The following CACNA1D variants were observed in gnomAD, a reference collection of about 807,000 sequenced individuals.
The protein encoded by CACNA1D is calcium voltage-gated channel subunit alpha1 D, also known as voltage-dependent L-type calcium channel subunit alpha-1D.
A neutral mutation model predicts 257.1 loss-of-function variants in CACNA1D; 55 were observed. The ratio of observed to expected loss-of-function variants is 0.21; its 90% confidence interval spans 0.17 to 0.27. CACNA1D has a LOEUF of 0.27. Ranked by LOEUF, CACNA1D falls within the 10% of genes least tolerant of loss-of-function variation. CACNA1D has a pLI of 1.00. For missense variants in CACNA1D, 1,876 were observed against 2,784.0 expected (o/e 0.67, Z 7.34); for synonymous variants, 980 against 1,014.9 (o/e 0.97, Z 0.65).
intron 9 of CACNA1D, among the ~76,000 whole-genome samples, chr3:53,707,840 T>C (rs975140261): frequency 6.6e-6 from 1 of 152,198 alleles, no homozygotes; most frequent in Non-Finnish European, 1.5e-5. Context: ...AGGGAGCTCA[T>C]TCTAAAATTC....
intron 3 of CACNA1D, among the ~76,000 whole-genome samples, chr3:53,579,943 G>T (rs1439028310): frequency 6.6e-6 from 1 of 152,236 alleles, no homozygotes; most frequent in Non-Finnish European, 1.5e-5. Flanking sequence ...CCAGGGCAGG[G>T]CTTGCGAAAA....
At chr3:53,507,838 C>T (rs968009387) in intron 3 of CACNA1D, among the ~76,000 whole-genome samples, 5 of 152,240 alleles carry the variant, frequency 3.3e-5, no homozygotes, top group Admixed American at 3.3e-4. Flanking sequence ...TTAGCCAGAA[C>T]TCTTTGGGTT....
chr3:53,808,907 G>C (rs548456084), intron 46 of CACNA1D, 137 bp downstream of exon 46: 571 of 888,464 alleles, frequency 6.4e-4, no homozygotes, highest in Admixed American at 1.6e-3. Context: ...GTTAATCTTT[G>C]TAACAATCCT....
At chr3:53,728,232 G>C (rs1436131296) in intron 15 of CACNA1D, among the ~76,000 whole-genome samples, 1 of 152,136 alleles carries the variant, frequency 6.6e-6, no homozygotes, top group East Asian at 1.9e-4. Flanking sequence ...TCCGCCTCCT[G>C]GGTTCAAGTG....
chr3:53,623,177 C>T (rs961099001), intron 3 of CACNA1D, among the ~76,000 whole-genome samples: 7 of 152,200 alleles, frequency 4.6e-5, no homozygotes, highest in Non-Finnish European at 8.8e-5. Context: ...CGTGAGCCAC[C>T]GCGCCCGGCC....
chr3:53,647,694 G>T (rs900797295), intron 3 of CACNA1D, among the ~76,000 whole-genome samples: 1 of 152,216 alleles, frequency 6.6e-6, no homozygotes, highest in Non-Finnish European at 1.5e-5. Flanking sequence ...CGTTTTGCAA[G>T]ATTTAAAAAT....
At chr3:53,768,006 CT>C (rs1422546611) in intron 30 of CACNA1D, among the ~76,000 whole-genome samples, 1 of 152,182 alleles carries the variant, frequency 6.6e-6, no homozygotes, top group African/African-American at 2.4e-5. Context: ...CCCTTTTGTT[CT>C]TTTAAACAGA....
At chr3:53,686,482 TATCTC>T (rs2094474314) in intron 8 of CACNA1D, among the ~76,000 whole-genome samples, 1 of 152,060 alleles carries the variant, frequency 6.6e-6, no homozygotes, top group South Asian at 2.1e-4. Context: ...AAAGGAATAA[TATCTC>T]ATGGCCAAGT....
chr3:53,504,291 G>A (rs1436801296), intron 3 of CACNA1D, among the ~76,000 whole-genome samples: 1 of 152,048 alleles, frequency 6.6e-6, no homozygotes, highest in African/African-American at 2.4e-5. Flanking sequence ...GCAGTTGAGC[G>A]ATAGAGTGAG....
chr3:53,574,119 C>T (rs2092995288), intron 3 of CACNA1D, among the ~76,000 whole-genome samples: 1 of 152,208 alleles, frequency 6.6e-6, no homozygotes, highest in Admixed American at 6.5e-5. Flanking sequence ...TCGATGCATG[C>T]AGCAAGGAAG....
chr3:53,676,418 A>T (rs1200794200), intron 8 of CACNA1D, among the ~76,000 whole-genome samples: 1 of 152,188 alleles, frequency 6.6e-6, no homozygotes, highest in Non-Finnish European at 1.5e-5. Flanking sequence ...TTAAGGGAAC[A>T]CTAGAGGTAC....
intron 3 of CACNA1D, among the ~76,000 whole-genome samples, chr3:53,580,099 T>G (rs1272172896): frequency 1.3e-5 from 2 of 152,178 alleles, no homozygotes; most frequent in African/African-American, 4.8e-5. Context: ...TAAAATGACC[T>G]TCTCTGCTCC....
chr3:53,506,348 G>A (rs1380803006), intron 3 of CACNA1D, among the ~76,000 whole-genome samples: 9 of 152,146 alleles, frequency 5.9e-5, no homozygotes, highest in African/African-American at 2.4e-5. Context: ...CCTTTCCCCT[G>A]GTTTATAACT....
chr3:53,590,924 C>A (rs1447733407), intron 3 of CACNA1D, among the ~76,000 whole-genome samples: 2 of 152,210 alleles, frequency 1.3e-5, no homozygotes, highest in Non-Finnish European at 2.9e-5. Flanking sequence ...GCCCTACTGC[C>A]TGTCCTGCAT....
chr3:53,800,419 A>C lies in CACNA1D; in HGVS notation c.5040+54A>C. ...GGCCATCTGGAAATAGCAGGGCAGG[A>C]CTCCAGTTTGGGCAGTTAATCATCC... On this transcript the variant is annotated intron_variant, in intron 41 of 47. Transcript: ENST00000350061. This position sits in a 1 kb window ranked among gnomAD's most constrained non-coding sequence, Gnocchi z 4.3. 8.3e-7 allele frequency: 1 copy of C among 1,207,200 alleles called. No homozygotes were observed. The highest frequency in any genetic ancestry group is 1.2e-6 in the Non-Finnish European group (1 of 808,552). The allele number at this position is 1,207,200 out of a possible 1,614,324, so 74.8% of individuals were successfully genotyped here.
At chr3:53,625,393 G>A (rs1292456481) in intron 3 of CACNA1D, among the ~76,000 whole-genome samples, 1 of 152,136 alleles carries the variant, frequency 6.6e-6, no homozygotes, top group South Asian at 2.1e-4. Context: ...GATATGTCGC[G>A]TTCTGACTTC....
chr3:53,626,681 T>G (rs908808222), intron 3 of CACNA1D, among the ~76,000 whole-genome samples: 1 of 152,174 alleles, frequency 6.6e-6, no homozygotes, highest in African/African-American at 2.4e-5. Context: ...CATCTTGGCT[T>G]ATGATGTTAG....
chr3:53,524,088 C>T (rs566451459), intron 3 of CACNA1D, among the ~76,000 whole-genome samples: 28 of 151,986 alleles, frequency 1.8e-4, no homozygotes, highest in African/African-American at 6.0e-4. Context: ...TTAGAAGTAG[C>T]GACCTGAGGA....
chr3:53,807,559 G>C (rs1437744670), intron 45 of CACNA1D: 2 of 152,362 alleles, frequency 1.3e-5, no homozygotes, highest in Admixed American at 6.5e-5. Flanking sequence ...GAGGCCCTGT[G>C]ATCCGAGAAA....
Sources: allele counts gnomAD v4.1 joint callset (sites outside exome capture counted in the v4.1 genomes callset), GRCh38; gene constraint gnomAD v4.1.1; non-coding constraint Gnocchi (gnomAD v3.1); transcripts MANE v1.5; gene names NCBI Gene and HGNC (gene_info 2026-07-23, HGNC 2026-07-21).